Variants in OSBPL6 observed in about 807,000 individuals in gnomAD.
The protein encoded by OSBPL6 is oxysterol binding protein like 6.
In OSBPL6, 49 loss-of-function variants were observed where a neutral mutation model predicts 125.8. The ratio of observed to expected loss-of-function variants is 0.39; its 90% CI spans 0.31 to 0.49. The LOEUF (loss-of-function observed/expected upper bound fraction) is 0.49, where lower values mean the gene tolerates loss of function less well. Ranked by LOEUF, OSBPL6 falls within the 20% of genes least tolerant of loss-of-function variation. OSBPL6 has a pLI of 0.88. For missense variants in OSBPL6, 986 were observed against 1,135.4 expected, an observed-to-expected ratio of 0.87 and a Z score of 1.89; for synonymous variants, 394 against 391.8, an observed-to-expected ratio of 1.01 and a Z score of -0.07.
rs1366489559 is a variant in OSBPL6, at chr2:178,284,918, C to G, written c.-350-9C>G. 1 of 397,592 alleles carries G rather than the reference C, an allele frequency of 2.5e-6. No homozygotes were observed. Among genetic ancestry groups the G allele is most frequent in the Non-Finnish European group, 4.4e-6 (1 of 225,610 alleles). The allele number at this position is 397,592 out of a possible 1,614,324, so 24.6% of individuals were successfully genotyped here. On this transcript the variant is annotated splice_polypyrimidine_tract_variant and intron_variant, in intron 1 of 24. Coordinates refer to ENST00000190611, the MANE Select transcript of OSBPL6 (RefSeq NM_032523.4). ...GATGTACTATATGACTGTAATCTCT[C>G]TTTTTCAGGTTCTGCCACTTGCTGG...
intron 1 of OSBPL6, among the ~76,000 whole-genome samples, chr2:178,240,628 C>A (rs959850744): frequency 1.3e-5 from 2 of 152,080 alleles, no homozygotes; most frequent in African/African-American, 4.8e-5. Context: ...TGGCAGGAGC[C>A]TGTGATCCCA....
intron 1 of OSBPL6, among the ~76,000 whole-genome samples, chr2:178,237,346 TTTTTG>T (rs57395792): frequency 1.3e-5 from 2 of 150,838 alleles, no homozygotes; most frequent in Non-Finnish European, 3.0e-5. Context: ...TCAATTTGTT[TTTTTG>T]TTTTGTTTTG....
In OSBPL6 at chr2:178,330,729, C is replaced by CAG. The variant is rs539079322; in HGVS notation, c.319-821_319-820dup. 7.6e-4 allele frequency among the ~76,000 whole-genome samples: 115 copies of CAG among 152,270 alleles called. 1 individual carries two copies. Among genetic ancestry groups the CAG allele is most frequent in the African/African-American group, 2.5e-3 (105 of 41,552 alleles). ...TACCAGCAGAGTAATTTGCCAGGAA[C>CAG]AGAAAAATTCCTTGCATCTGTAGAA... On this transcript the variant is annotated intron_variant, in intron 5 of 24. Coordinates refer to ENST00000190611, the MANE Select transcript of OSBPL6 (RefSeq NM_032523.4).
At chr2:178,295,015 T>C (rs1685620262) in intron 2 of OSBPL6, among the ~76,000 whole-genome samples, 2 of 152,218 alleles carry the variant, frequency 1.3e-5, no homozygotes, top group South Asian at 4.2e-4. Flanking sequence ...TAGCAATTCT[T>C]TTTCTCATGG....
At chr2:178,313,812 C>A (rs1461202444) in intron 3 of OSBPL6, among the ~76,000 whole-genome samples, 2 of 152,290 alleles carry the variant, frequency 1.3e-5, no homozygotes, top group Non-Finnish European at 2.9e-5. Flanking sequence ...CATATTAAGG[C>A]CATCCCCAGC....
rs779472505 is a variant in OSBPL6 at position 178,384,019 on chromosome 2, T to G, written c.1876-20T>G. 6.2e-7 allele frequency: 1 copy of G among 1,611,734 alleles called. No homozygotes were observed. The highest frequency in any genetic ancestry group is 8.5e-7 in the Non-Finnish European group (1 of 1,177,946). On this transcript the variant is annotated intron_variant, in intron 17 of 24. Coordinates refer to ENST00000190611, the MANE Select transcript of OSBPL6 (RefSeq NM_032523.4). ...AGTCGTCTCTCCTATATTATTCCCT[T>G]TTCTTCAATGTTTTAACAGGTTCTC...
At chr2:178,311,866 A>T (rs1395689270) in intron 3 of OSBPL6, among the ~76,000 whole-genome samples, 1 of 152,250 alleles carries the variant, frequency 6.6e-6, no homozygotes, top group Non-Finnish European at 1.5e-5. Flanking sequence ...CATGTGAAGG[A>T]CAAAAGCAGA....
intron 1 of OSBPL6, among the ~76,000 whole-genome samples, chr2:178,270,287 C>A (rs1425508941): frequency 6.6e-6 from 1 of 152,136 alleles, no homozygotes; most frequent in African/African-American, 2.4e-5. Flanking sequence ...TAAAGCATGA[C>A]TATGAATGAT....
intron 1 of OSBPL6, among the ~76,000 whole-genome samples, chr2:178,266,216 G>A (rs78295505): frequency 0.031 from 4,725 of 152,274 alleles, 93 homozygotes; most frequent in Middle Eastern, 0.065. Context: ...GGTCTCAATC[G>A]CAAGAAGACC....
intron 1 of OSBPL6, among the ~76,000 whole-genome samples, chr2:178,237,852 G>A (rs1007606645): frequency 3.3e-5 from 5 of 152,154 alleles, no homozygotes; most frequent in African/African-American, 1.2e-4. Flanking sequence ...TCCAACCATC[G>A]CTACCCTCCT....
At chr2:178,196,682 C>G (rs1007159174) in intron 1 of OSBPL6, among the ~76,000 whole-genome samples, 1 of 152,110 alleles carries the variant, frequency 6.6e-6, no homozygotes, top group African/African-American at 2.4e-5. Context: ...AGGTAAACTG[C>G]ATAAGGAGAT....
chr2:178,384,274 G>A lies in OSBPL6; in HGVS notation c.2013+98G>A, dbSNP rs548609432. Reference sequence around the variant, plus strand: ...ATAACAATCTGTTGGGATGGGTTATGATACCAGTTGTGAATTCGAAGTATC... The same window carrying A: ...ATAACAATCTGTTGGGATGGGTTATAATACCAGTTGTGAATTCGAAGTATC... On this transcript the variant is annotated intron_variant, in intron 18 of 24. Coordinates refer to ENST00000190611, the MANE Select transcript of OSBPL6 (RefSeq NM_032523.4). 9.7e-6 allele frequency: 14 copies of A among 1,440,134 alleles called. No homozygotes were observed. The South Asian group carries it at 1.5e-4, about 16-fold the overall frequency. 89.2% of individuals were successfully genotyped at this position (1,440,134 alleles called of 1,614,324 possible).
chr2:178,251,608 T>C (rs960405472), intron 1 of OSBPL6, among the ~76,000 whole-genome samples: 1 of 152,240 alleles, frequency 6.6e-6, no homozygotes, highest in Admixed American at 6.5e-5. Flanking sequence ...AAGGCACCTG[T>C]GTTAGGGATC....
chr2:178,211,311 G>A (rs1341520940), intron 1 of OSBPL6, among the ~76,000 whole-genome samples: 1 of 152,148 alleles, frequency 6.6e-6, no homozygotes, highest in East Asian at 1.9e-4. Flanking sequence ...AAAAAGTCAA[G>A]GAGGTCCTGA....
Position 178,196,428 on chromosome 2 carries a change from A to G in OSBPL6, c.-351+1754A>G, listed in dbSNP as rs537158168. Among the ~76,000 whole-genome samples, 14 of 152,318 alleles carry G rather than the reference A, an allele frequency of 9.2e-5. No individual in the cohort carries two copies. The South Asian group carries it at 1.9e-3, about 20-fold the overall frequency. On this transcript the variant is annotated intron_variant, in intron 1 of 24. Transcript: ENST00000190611. ...TGGATGCAATGTTGATAACGCCATT[A>G]TACATTCAGTGGATGGATTACCTTT... is the stretch of plus-strand genomic sequence containing the variant.
intron 1 of OSBPL6, among the ~76,000 whole-genome samples, chr2:178,215,441 G>T (rs1197305307): frequency 6.6e-6 from 1 of 152,210 alleles, no homozygotes; most frequent in Non-Finnish European, 1.5e-5. Flanking sequence ...GGGCAGGGCA[G>T]TGGAGATGAG....
At chr2:178,385,049 C>T (rs1205765256) in intron 18 of OSBPL6, among the ~76,000 whole-genome samples, 1 of 152,050 alleles carries the variant, frequency 6.6e-6, no homozygotes, top group Non-Finnish European at 1.5e-5. Context: ...AACACATGCA[C>T]ACAGGGAGGA....
At chr2:178,362,108 T>TA (rs1350479413) in intron 13 of OSBPL6, among the ~76,000 whole-genome samples, 1 of 152,156 alleles carries the variant, frequency 6.6e-6, no homozygotes, top group East Asian at 1.9e-4. Flanking sequence ...CCCCTCATTT[T>TA]AAAAAAAGAA....
intron 1 of OSBPL6, among the ~76,000 whole-genome samples, chr2:178,228,657 C>T (rs1337748038): frequency 6.6e-6 from 1 of 152,066 alleles, no homozygotes; most frequent in Non-Finnish European, 1.5e-5. Context: ...CCAATATAAC[C>T]CAAATATTAT....
Sources: allele counts gnomAD v4.1 joint callset (sites outside exome capture counted in the v4.1 genomes callset), GRCh38; gene constraint gnomAD v4.1.1; transcripts MANE v1.5; gene names NCBI Gene and HGNC (gene_info 2026-07-23, HGNC 2026-07-21).